Variants in MDGA1 observed in about 807,000 individuals in gnomAD.
The protein encoded by MDGA1 is MAM domain-containing glycosylphosphatidylinositol anchor protein 1.
MDGA1 carries 54 observed loss-of-function variants against 101.5 expected under a neutral mutation model. The ratio of observed to expected loss-of-function variants is 0.53; its 90% confidence interval spans 0.43 to 0.67. The LOEUF is 0.67. Among genes scored for constraint, MDGA1 ranks in the 30% least tolerant of loss-of-function variants. The pLI, the probability that MDGA1 is intolerant of heterozygous loss-of-function variation, is 0.00. For missense variants in MDGA1, 1,083 were observed against 1,323.8 expected, an observed-to-expected ratio of 0.82 and a Z score of 2.82; for synonymous variants, 533 against 558.3, an observed-to-expected ratio of 0.95 and a Z score of 0.64.
rs1473711513 is a variant in MDGA1 at position 37,645,954 on chromosome 6, T to C, written c.2227A>G (p.Ile743Val). Reference sequence around the variant, plus strand: ...TCACCTGAAAGGTTCGGAGAGTTGATGGCTGAGAAAGCAAGCGGGGAAACC... The same window carrying C: ...TCACCTGAAAGGTTCGGAGAGTTGACGGCTGAGAAAGCAAGCGGGGAAACC... ...ASRIIHYTEP[I>V]NSPNLSDNTC... Residue 743 changes from isoleucine (I) to valine (V), a missense_variant and splice_region_variant, in exon 12 of 17, where the codon ATC becomes GTC. By Grantham distance (29) the Ile-to-Val change is conservative (BLOSUM62 3). Around this residue, in one of 3 missense-constraint regions of MDGA1, gnomAD observed 657 missense variants for 771.4 expected, o/e 0.85. Coordinates refer to ENST00000434837, the MANE Select transcript of MDGA1 (RefSeq NM_153487.4). 11 of 1,613,902 alleles carry C rather than the reference T, an allele frequency of 6.8e-6. No homozygotes were observed. Among genetic ancestry groups the C allele is most frequent in the Non-Finnish European group, 9.3e-6 (11 of 1,179,900 alleles).
At chr6:37,658,101 G>T (rs1051436204) in intron 3 of MDGA1, 144 bp downstream of exon 3, 2 of 886,052 alleles carry the variant, frequency 2.3e-6, no homozygotes, top group Non-Finnish European at 3.3e-6. Context: ...GGTACACACC[G>T]CCTGGTACCT....
intron 1 of MDGA1, among the ~76,000 whole-genome samples, chr6:37,677,177 T>A (rs1405839481): frequency 6.6e-6 from 1 of 152,148 alleles, no homozygotes; most frequent in Non-Finnish European, 1.5e-5. Flanking sequence ...CAGGCCATAA[T>A]GCACCTATTA....
chr6:37,692,154 G>C (rs1015694620), intron 1 of MDGA1, among the ~76,000 whole-genome samples: 11 of 152,284 alleles, frequency 7.2e-5, no homozygotes, highest in Admixed American at 2.6e-4. Flanking sequence ...AGGAGCCCAG[G>C]AAAGGCAAGA....
At position 37,655,656 on chromosome 6, in the gene MDGA1, A is replaced by T. The variant is rs1761466280; in HGVS notation, c.579+44T>A. 1 of 1,480,350 alleles carries T rather than the reference A, an allele frequency of 6.8e-7. No individual in the cohort carries two copies. Among genetic ancestry groups the T allele is most frequent in the Non-Finnish European group, 9.1e-7 (1 of 1,093,660 alleles). 91.7% of individuals were successfully genotyped at this position (1,480,350 alleles called of 1,614,324 possible). On this transcript the variant is annotated intron_variant, in intron 4 of 16. Coordinates refer to ENST00000434837, the MANE Select transcript of MDGA1 (RefSeq NM_153487.4). The surrounding 1 kb of genome is among the most constrained non-coding windows in gnomAD (Gnocchi z 5.1). Reference sequence around the variant, plus strand: ...GCCCCATGCCCCCCTCCCCTGTTGGATGCAGGAGAAGTGGTATGGGGCGAG... The same window carrying T: ...GCCCCATGCCCCCCTCCCCTGTTGGTTGCAGGAGAAGTGGTATGGGGCGAG...
In MDGA1 at chr6:37,638,232, G is replaced by C. The variant is rs969027962; in HGVS notation, c.2749C>G (p.Pro917Ala). The change falls in exon 16 of 17, where the codon CCC (proline) becomes GCC (alanine). Residue 917 changes from proline (P) to alanine (A), a missense_variant. By Grantham distance (27) the Pro-to-Ala change is conservative (BLOSUM62 -1). This residue lies in a region of MDGA1 where 657 missense variants were observed against 771.4 expected (regional missense o/e 0.85). Coordinates refer to ENST00000434837, the MANE Select transcript of MDGA1 (RefSeq NM_153487.4). The surrounding 1 kb of genome is among the most constrained non-coding windows in gnomAD (Gnocchi z 4.8). The part of the protein sequence containing the change: ...DDVTLKKGEC[P>A]RKQTDPNKVV... ...TTATTGGGATCCGTCTGCTTCCGGG[G>C]ACACTCCCCCTTCTTCAGTGTGACG... 1.2e-6 allele frequency: 2 copies of C among 1,613,598 alleles called. No homozygotes were observed. The highest frequency in any genetic ancestry group is 3.3e-4 in the Middle Eastern group (2 of 6,060).
rs1296006356 is a variant in MDGA1 at position 37,638,098 on chromosome 6, T to C, written c.2776+107A>G. ...CCACATGATTCCCATCACTCAGACA[T>C]TCTGAACCCCTATTCAGACCCAAAC... On this transcript the variant is annotated intron_variant, in intron 16 of 16. Transcript: ENST00000434837. This position sits in a 1 kb window ranked among gnomAD's most constrained non-coding sequence, Gnocchi z 4.8. 1.2e-6 allele frequency: 1 copy of C among 843,246 alleles called. No homozygotes were observed. The highest frequency in any genetic ancestry group is 2.0e-5 in the Admixed American group (1 of 49,854). The allele number at this position is 843,246 out of a possible 1,614,324, so 52.2% of individuals were successfully genotyped here.
intron 1 of MDGA1, among the ~76,000 whole-genome samples, chr6:37,686,809 C>T (rs567915223): frequency 1.6e-3 from 236 of 152,214 alleles, no homozygotes; most frequent in African/African-American, 5.4e-3. Flanking sequence ...GAGCAGAGCA[C>T]GAAGATGAAA....
chr6:37,654,702 G>A, intron 5 of MDGA1, 98 bp downstream of exon 5: 2 of 1,550,748 alleles, frequency 1.3e-6, no homozygotes, highest in Non-Finnish European at 1.8e-6. Context: ...CCAGACATTA[G>A]TGGCAGTGTG....
chr6:37,685,773 C>T (rs1762184544), intron 1 of MDGA1, among the ~76,000 whole-genome samples: 1 of 152,070 alleles, frequency 6.6e-6, no homozygotes, highest in Non-Finnish European at 1.5e-5. Context: ...CTGGGTGACC[C>T]AAGCAAGTCA....
Position 37,646,314 on chromosome 6 carries a change from A to T in MDGA1, c.2108T>A (p.Leu703Gln). The T allele has an allele frequency of 6.3e-7, 1 of 1,594,602 alleles. No homozygotes were observed. Among genetic ancestry groups the T allele is most frequent in the Non-Finnish European group, 8.5e-7 (1 of 1,169,650 alleles). ...IPVRRVEKGQ[L>Q]LEYILTDLRV... ...GAGATCGGTCAGGATGTACTCCAGC[A>T]GCTGCCCCTTCTCCACACGCCGGAC... Residue 703 changes from leucine to glutamine, a missense_variant, in exon 11 of 17, where the codon CTG (leucine) becomes CAG (glutamine). Transcript: ENST00000434837.
chr6:37,666,098 AG>A (rs1365237021), intron 1 of MDGA1, among the ~76,000 whole-genome samples: 1 of 151,782 alleles, frequency 6.6e-6, no homozygotes, highest in African/African-American at 2.4e-5. Flanking sequence ...CTGTAATCCC[AG>A]CCCTTTGGGA....
chr6:37,654,458 G>A lies in MDGA1; in HGVS notation c.798C>T (p.Gly266=), dbSNP rs372928750. 676 of 1,613,994 alleles carry A rather than the reference G, an allele frequency of 4.2e-4. No homozygotes were observed. The highest frequency in any genetic ancestry group is 1.2e-3 in the Admixed American group (71 of 60,024). ...ACTGCAGCTGGGGGAGGGGATCACCGCCTGTCAGCAGACACTGCACCGTCA... is the reference window on the plus strand; with the variant it reads ...ACTGCAGCTGGGGGAGGGGATCACCACCTGTCAGCAGACACTGCACCGTCA... ...ENVTVQCLLT[G]GDPLPQLQWS... is the part of the protein sequence containing the mutation. Residue 266 remains glycine (G), a synonymous_variant, in exon 6 of 17, where the codon GGC becomes GGT. Transcript: ENST00000434837.
chr6:37,635,877 G>C lies in MDGA1; in HGVS notation c.*1491C>G, dbSNP rs1487232491. The C allele has an allele frequency of 5.0e-6, 2 of 397,982 alleles. No homozygotes were observed. Among genetic ancestry groups the C allele is most frequent in the Non-Finnish European group, 8.8e-6 (2 of 226,006 alleles). 24.7% of individuals were successfully genotyped at this position (397,982 alleles called of 1,614,324 possible). A position where few individuals can be genotyped will look rare whatever the true frequency, so the allele number is the denominator to read the frequency against. On this transcript the variant is annotated 3_prime_UTR_variant, in exon 17 of 17. Coordinates refer to ENST00000434837, the MANE Select transcript of MDGA1 (RefSeq NM_153487.4). Reference sequence around the variant, plus strand: ...CCCTACAAGCGAACACATCACTCAGGAAGGTGGACACACACGCTGACGTAC... The same window carrying C: ...CCCTACAAGCGAACACATCACTCAGCAAGGTGGACACACACGCTGACGTAC...
chr6:37,647,343 G>A lies in MDGA1; in HGVS notation c.1895-19C>T. The A allele has an allele frequency of 1.3e-6, 2 of 1,505,226 alleles. No homozygotes were observed. The highest frequency in any genetic ancestry group is 1.8e-6 in the Non-Finnish European group (2 of 1,115,220). The allele number at this position is 1,505,226 out of a possible 1,614,324, so 93.2% of individuals were successfully genotyped here. On this transcript the variant is annotated intron_variant, in intron 9 of 16. Coordinates refer to ENST00000434837, the MANE Select transcript of MDGA1 (RefSeq NM_153487.4). ...GCTTTGGCTAAGAGGGCGGGGAGGGGGGCATTGGGCCGTGGAGGGTGCAGG... is the reference window on the plus strand; with the variant it reads ...GCTTTGGCTAAGAGGGCGGGGAGGGAGGCATTGGGCCGTGGAGGGTGCAGG...
At chr6:37,692,192 T>C (rs551465193) in intron 1 of MDGA1, among the ~76,000 whole-genome samples, 4 of 152,004 alleles carry the variant, frequency 2.6e-5, no homozygotes, top group Non-Finnish European at 5.9e-5. Flanking sequence ...GCCCTCCCCC[T>C]GCTGGCCACA....
intron 12 of MDGA1, among the ~76,000 whole-genome samples, chr6:37,645,035 G>T (rs554238792): frequency 6.6e-6 from 1 of 152,334 alleles, no homozygotes; most frequent in South Asian, 2.1e-4. Flanking sequence ...AAGATCTAGT[G>T]TTAGGTCTAG....
intron 1 of MDGA1, among the ~76,000 whole-genome samples, chr6:37,669,048 G>A (rs2797783): frequency 0.012 from 1,884 of 152,114 alleles, 39 homozygotes; most frequent in African/African-American, 0.043. Context: ...GGTTTTCACC[G>A]TGTTGGCCAG....
intron 1 of MDGA1, among the ~76,000 whole-genome samples, chr6:37,679,366 G>A (rs1478416153): frequency 6.6e-6 from 1 of 152,148 alleles, no homozygotes; most frequent in Admixed American, 6.5e-5. Flanking sequence ...GCTGCCCCTT[G>A]GGAGGAAAAT....
chr6:37,634,874 T>A lies in MDGA1; in HGVS notation c.*2494A>T, dbSNP rs1468420613. On this transcript the variant is annotated 3_prime_UTR_variant, in exon 17 of 17. Transcript: ENST00000434837. The surrounding 1 kb of genome is among the most constrained non-coding windows in gnomAD (Gnocchi z 4.7). ...GCACCTTTACTGTCCACTCTATGGA[T>A]CCTGAGGGGAACAAGGGAGACAAGT... 6.6e-6 allele frequency: 1 copy of A among 152,182 alleles called. No individual in the cohort carries two copies. Among genetic ancestry groups the A allele is most frequent in the Non-Finnish European group, 1.5e-5 (1 of 68,062 alleles). The allele number at this position is 152,182 out of a possible 1,614,324, so 9.4% of individuals were successfully genotyped here. A position where few individuals can be genotyped will look rare whatever the true frequency, so the allele number is the denominator to read the frequency against.
Sources: gnomAD v4.1 joint callset for allele counts (sites outside exome capture counted in the v4.1 genomes callset) on GRCh38, gnomAD v4.1.1 for gene constraint, gnomAD v4.1.1 regional missense constraint, Gnocchi (gnomAD v3.1) non-coding constraint, MANE v1.5 for transcripts, NCBI Gene and HGNC (gene_info 2026-07-23, HGNC 2026-07-21) for gene names.